GRB2: variants seen among roughly 807,000 people sequenced by gnomAD.
GRB2 encodes the protein growth factor receptor bound protein 2.
A neutral mutation model predicts 27.4 loss-of-function variants in GRB2; 2 were observed. The observed-to-expected ratio is 0.07, with a 90% CI of 0.03 to 0.23. GRB2 has a LOEUF of 0.23. GRB2 is among the 10% of genes least tolerant of loss of function. The pLI is 1.00. For missense variants in GRB2, 102 were observed against 282.4 expected (o/e 0.36, Z 4.58); for synonymous variants, 94 against 99.6 (o/e 0.94, Z 0.33).
intron 2 of GRB2, among the ~76,000 whole-genome samples, chr17:75,353,459 C>A (rs986370997): frequency 1.3e-5 from 1 of 75,460 alleles, no homozygotes; most frequent in Non-Finnish European, 4.8e-5. Context: ...AGTTTCTATG[C>A]CCTTAAAAAA....
chr17:75,390,802 C>T (rs1297894045), intron 2 of GRB2, among the ~76,000 whole-genome samples: 1 of 152,126 alleles, frequency 6.6e-6, no homozygotes, highest in East Asian at 1.9e-4. Flanking sequence ...AGGATGAAGG[C>T]TAAGTGCCTA....
chr17:75,403,216 GGAGA>G (rs2079075515), intron 1 of GRB2, among the ~76,000 whole-genome samples: 1 of 149,882 alleles, frequency 6.7e-6, no homozygotes, highest in African/African-American at 2.4e-5. Context: ...CAGTAATGGT[GGAGA>G]GTTCCTCTGA....
At chr17:75,363,766 A>AGGAGAATGGCGTGAACCCG (rs2078801120) in intron 2 of GRB2, among the ~76,000 whole-genome samples, 1 of 149,296 alleles carries the variant, frequency 6.7e-6, no homozygotes, top group Non-Finnish European at 1.5e-5. Flanking sequence ...AGGCTGAGGC[A>AGGAGAATGGCGTGAACCCG]GGAGAATGGC....
chr17:75,343,442 G>A lies in GRB2; in HGVS notation c.79-10645C>T, dbSNP rs1319901150. On this transcript the variant is annotated intron_variant, in intron 2 of 5. Coordinates refer to ENST00000316804, the MANE Select transcript of GRB2 (RefSeq NM_002086.5). ...TGTATTAAAAAAGTTTCTTTATAAT[G>A]TTCATACATGTTAGAAGATGAACAA... 3.3e-4 allele frequency among the ~76,000 whole-genome samples: 51 copies of A among 152,250 alleles called. 1 individual carries two copies.
intron 2 of GRB2, among the ~76,000 whole-genome samples, chr17:75,350,555 G>C (rs934175628): frequency 6.6e-6 from 1 of 152,062 alleles, no homozygotes; most frequent in Non-Finnish European, 1.5e-5. Context: ...GCAGTGGCGC[G>C]ATCTCGGCTC....
chr17:75,394,167 G>C (rs1567876948), intron 1 of GRB2: 6 of 156,066 alleles, frequency 3.8e-5, no homozygotes. Context: ...GTCTCTTCTC[G>C]GTTAAACAGG....
intron 4 of GRB2, among the ~76,000 whole-genome samples, chr17:75,324,025 T>C (rs1012334711): frequency 2.0e-5 from 3 of 151,842 alleles, no homozygotes; most frequent in African/African-American, 7.3e-5. Flanking sequence ...TTGGTCAGGC[T>C]GGTCTCAAAC....
chr17:75,374,012 G>GT (rs1338504353), intron 2 of GRB2, among the ~76,000 whole-genome samples: 1 of 151,368 alleles, frequency 6.6e-6, no homozygotes, highest in Non-Finnish European at 1.5e-5. Flanking sequence ...AGCCAGGATG[G>GT]TCTCAATCTC....
chr17:75,321,983 ACGGAC>A (rs2078463339), intron 4 of GRB2, among the ~76,000 whole-genome samples, 156 bp from the exon 5 acceptor site: 1 of 152,170 alleles, frequency 6.6e-6, no homozygotes, highest in African/African-American at 2.4e-5. Flanking sequence ...TGTCCCTGGG[ACGGAC>A]CTCTCCCTAT....
At chr17:75,361,017 C>G (rs988284188) in intron 2 of GRB2, among the ~76,000 whole-genome samples, 1 of 152,100 alleles carries the variant, frequency 6.6e-6, no homozygotes, top group Non-Finnish European at 1.5e-5. Context: ...AGCGATCCTC[C>G]CACCTTAGCC....
intron 1 of GRB2, 146 bp from the exon 2 acceptor site, chr17:75,393,911 C>CT (rs909262333): frequency 2.3e-5 from 11 of 485,380 alleles, no homozygotes; most frequent in Non-Finnish European, 2.9e-5. Flanking sequence ...CAGCCCCCCC[C>CT]CGCCGACTTC....
intron 4 of GRB2, among the ~76,000 whole-genome samples, chr17:75,322,328 C>T (rs951759199): frequency 4.7e-5 from 7 of 149,094 alleles, no homozygotes; most frequent in African/African-American, 9.9e-5. Flanking sequence ...GCTGAGATCG[C>T]GCCATTGCAC....
intron 2 of GRB2, among the ~76,000 whole-genome samples, chr17:75,357,627 A>G (rs1351416721): frequency 1.3e-5 from 2 of 152,232 alleles, no homozygotes; most frequent in African/African-American, 4.8e-5. Context: ...ATTCATGCTT[A>G]AAACTGAGGC....
chr17:75,358,035 T>TTGC (rs1239186829), intron 2 of GRB2, among the ~76,000 whole-genome samples: 1 of 152,010 alleles, frequency 6.6e-6, no homozygotes, highest in African/African-American at 2.4e-5. Flanking sequence ...GAGGTGGAGG[T>TTGC]TGCAGACGAC....
At chr17:75,344,985 A>AG (rs2078645466) in intron 2 of GRB2, among the ~76,000 whole-genome samples, 1 of 151,028 alleles carries the variant, frequency 6.6e-6, no homozygotes, top group African/African-American at 2.4e-5. Context: ...AGCAGAAAAC[A>AG]GGAGCTCAAA....
chr17:75,339,081 T>G (rs941415049), intron 2 of GRB2: 1 of 1,361,380 alleles, frequency 7.3e-7, no homozygotes, highest in Non-Finnish European at 1.0e-6. Context: ...TGCTGGCTAT[T>G]AAAAGATGCA....
chr17:75,352,135 G>C (rs2078696385), intron 2 of GRB2, among the ~76,000 whole-genome samples: 1 of 152,154 alleles, frequency 6.6e-6, no homozygotes, highest in Admixed American at 6.5e-5. Flanking sequence ...TAATTACCCA[G>C]GTCCTGGCCT....
At chr17:75,335,986 GA>G (rs932374271) in intron 2 of GRB2, among the ~76,000 whole-genome samples, 3 of 152,204 alleles carry the variant, frequency 2.0e-5, no homozygotes, top group African/African-American at 7.2e-5. Context: ...TTTGAGGAGG[GA>G]AAGTGCGCTT....
chr17:75,401,167 C>T (rs1314003132), intron 1 of GRB2, among the ~76,000 whole-genome samples: 5 of 152,000 alleles, frequency 3.3e-5, no homozygotes, highest in African/African-American at 1.2e-4. Flanking sequence ...AAGGCTAGGC[C>T]GGGCGCAGTG....
Sources: allele counts gnomAD v4.1 joint callset (sites outside exome capture counted in the v4.1 genomes callset), GRCh38; gene constraint gnomAD v4.1.1; transcripts MANE v1.5; gene names NCBI Gene and HGNC (gene_info 2026-07-23, HGNC 2026-07-21).